The following IL12RB2 variants were observed in gnomAD, a reference collection of about 807,000 sequenced individuals.
The protein encoded by IL12RB2 is interleukin-12 receptor subunit beta-2.
IL12RB2 carries 82 observed loss-of-function variants against 89.4 expected under a neutral mutation model. The observed-to-expected ratio is 0.92, with a 90% CI of 0.77 to 1.10. The LOEUF (loss-of-function observed/expected upper bound fraction) is 1.10. Ranked by LOEUF, IL12RB2 falls within the 50% of genes least tolerant of loss-of-function variation. The probability of loss-of-function intolerance (pLI) is 0.00; values close to 1 mark genes in which losing one functional copy is unlikely to be tolerated. For missense variants in IL12RB2, 963 were observed against 1,031.9 expected, an observed-to-expected ratio of 0.93 and a Z score of 0.92; for synonymous variants, 368 against 370.1, an observed-to-expected ratio of 0.99 and a Z score of 0.07.
intron 14 of IL12RB2, among the ~76,000 whole-genome samples, chr1:67,385,746 A>G (rs1665065091): frequency 6.6e-6 from 1 of 152,218 alleles, no homozygotes; most frequent in South Asian, 2.1e-4. Context: ...ACATTTCACA[A>G]TCACCCTAGC....
chr1:67,354,819 G>A (rs1661209362), intron 10 of IL12RB2, among the ~76,000 whole-genome samples: 1 of 152,096 alleles, frequency 6.6e-6, no homozygotes, highest in African/African-American at 2.4e-5. Flanking sequence ...TTCAAGAAAA[G>A]GATACAATAA....
chr1:67,384,285 A>G (rs12750578), intron 14 of IL12RB2, among the ~76,000 whole-genome samples: 3 of 152,102 alleles, frequency 2.0e-5, no homozygotes, highest in African/African-American at 7.2e-5. Flanking sequence ...ACAGGCCCAA[A>G]ACCACATGGA....
In IL12RB2 at chr1:67,386,872, TTATATATATATATA is replaced by T. The variant is rs1179774666; in HGVS notation, c.1946+235_1946+248del. On this transcript the variant is annotated intron_variant, in intron 15 of 16. Coordinates refer to ENST00000674203, the MANE Select transcript of IL12RB2 (RefSeq NM_001374259.2). The stretch of plus-strand genomic sequence containing the variant: ...AACAATCTCTAACTAGAAATGTATT[TTATATATATATATA>T]TATATATATATATATATATATATAT... Among the ~76,000 whole-genome samples, 280 of 48,450 alleles carry T rather than the reference TTATATATATATATA, an allele frequency of 5.8e-3. 3 individuals are homozygous for T. In the Middle Eastern group the frequency reaches 0.074, roughly 13 times the overall value. 31.8% of individuals were successfully genotyped at this position (48,450 alleles called of 152,430 possible). A position where few individuals can be genotyped will look rare whatever the true frequency, so the allele number is the denominator to read the frequency against.
intron 1 of IL12RB2, among the ~76,000 whole-genome samples, chr1:67,310,597 A>G (rs6673605): frequency 0.38 from 58,075 of 152,116 alleles, 11,934 homozygotes; most frequent in African/African-American, 0.54. Context: ...GAAAAGAAGT[A>G]ATACTGCCTT....
At chr1:67,352,160 T>G (rs1660920696) in intron 10 of IL12RB2, among the ~76,000 whole-genome samples, 1 of 152,240 alleles carries the variant, frequency 6.6e-6, no homozygotes, top group African/African-American at 2.4e-5. Context: ...AGTATTAATG[T>G]ATATATACAA....
At chr1:67,346,701 A>G (rs545946875) in intron 9 of IL12RB2, among the ~76,000 whole-genome samples, 4 of 152,212 alleles carry the variant, frequency 2.6e-5, no homozygotes, top group African/African-American at 9.6e-5. Context: ...TTGTCTTTTG[A>G]ATCACTTCAT....
Position 67,326,867 on chromosome 1 carries a change from T to C in IL12RB2, c.479+18T>C, listed in dbSNP as rs776408476. The C allele has an allele frequency of 2.6e-5, 36 of 1,406,788 alleles. No homozygotes were observed. Among genetic ancestry groups the C allele is most frequent in the Non-Finnish European group, 3.3e-5 (35 of 1,065,468 alleles). 87.1% of individuals were successfully genotyped at this position (1,406,788 alleles called of 1,614,324 possible). ...ACTCTACAGTGAGTGAGAGGCTGTA[T>C]TTTTGCAGCTGTTTTGTAGATCTTC... On this transcript the variant is annotated intron_variant, in intron 5 of 16. Coordinates refer to ENST00000674203, the MANE Select transcript of IL12RB2 (RefSeq NM_001374259.2).
chr1:67,308,440 C>G (rs946620534), intron 1 of IL12RB2, among the ~76,000 whole-genome samples: 1 of 152,134 alleles, frequency 6.6e-6, no homozygotes, highest in African/African-American at 2.4e-5. Context: ...TTCCGTAGTC[C>G]CGGATGAGGG....
Position 67,369,113 on chromosome 1 carries a change from C to T in IL12RB2, c.1459+1088C>T, listed in dbSNP as rs149452712. ...CATGAGTCCATCCTTAACTGTGTAC[C>T]TCTTTTGTAGTCTGACTGCTCAGAG... is the stretch of plus-strand genomic sequence containing the variant. On this transcript the variant is annotated intron_variant, in intron 11 of 16. Coordinates refer to ENST00000674203, the MANE Select transcript of IL12RB2 (RefSeq NM_001374259.2). 6.5e-3 allele frequency among the ~76,000 whole-genome samples: 990 copies of T among 152,232 alleles called. 8 individuals are homozygous for T. Among genetic ancestry groups the T allele is most frequent in the Middle Eastern group, 0.031 (9 of 294 alleles).
chr1:67,393,932 A>G (rs6699474), intron 16 of IL12RB2, among the ~76,000 whole-genome samples: 99,660 of 152,024 alleles, frequency 0.66, 33,390 homozygotes, highest in South Asian at 0.73. Context: ...TTACAGACAT[A>G]TAAAAAAAGT....
intron 14 of IL12RB2, among the ~76,000 whole-genome samples, chr1:67,384,058 G>A (rs1664880799): frequency 6.6e-6 from 1 of 152,246 alleles, no homozygotes; most frequent in Non-Finnish European, 1.5e-5. Context: ...CTGGAGGACA[G>A]TGGCCCTCTT....
chr1:67,379,818 TA>T, intron 13 of IL12RB2, 167 bp from the exon 14 acceptor site: 1 of 622,686 alleles, frequency 1.6e-6, no homozygotes, highest in Non-Finnish European at 2.9e-6. Flanking sequence ...TGACGATGTC[TA>T]GGGCCTATTA....
chr1:67,369,970 C>T (rs537661324), intron 11 of IL12RB2, among the ~76,000 whole-genome samples: 1 of 146,886 alleles, frequency 6.8e-6, no homozygotes, highest in Admixed American at 6.9e-5. Context: ...TGCAGTGAGC[C>T]GAGATCATGC....
chr1:67,366,669 T>G (rs1304120932), intron 10 of IL12RB2, among the ~76,000 whole-genome samples: 1 of 152,168 alleles, frequency 6.6e-6, no homozygotes, highest in Non-Finnish European at 1.5e-5. Flanking sequence ...AATATGTGAA[T>G]TTGCTCTATA....
chr1:67,327,819 T>C (rs1657531757), intron 5 of IL12RB2, among the ~76,000 whole-genome samples: 1 of 152,224 alleles, frequency 6.6e-6, no homozygotes, highest in Non-Finnish European at 1.5e-5. Flanking sequence ...AGGATTCTAC[T>C]CTGGCCACTG....
In IL12RB2 at chr1:67,321,702, C is replaced by T. The variant is rs969386605; in HGVS notation, c.177C>T (p.Cys59=). ...ITCSLKPRQG[C]FHYSRRNKLI... is the part of the protein sequence containing the mutation. ...GCTCTTTGAAGCCCAGACAAGGCTG[C>T]TTTCACTATTCCAGACGTAACAAGT... The change falls in exon 4 of 17, where the codon TGC becomes TGT. Residue 59 remains cysteine, a synonymous_variant. Coordinates refer to ENST00000674203, the MANE Select transcript of IL12RB2 (RefSeq NM_001374259.2). 4 of 1,609,940 alleles carry T rather than the reference C, an allele frequency of 2.5e-6. No individual in the cohort carries two copies. The highest frequency in any genetic ancestry group is 3.4e-6 in the Non-Finnish European group (4 of 1,176,360).
chr1:67,342,517 G>C (rs1659754329), intron 9 of IL12RB2, among the ~76,000 whole-genome samples: 1 of 152,018 alleles, frequency 6.6e-6, no homozygotes, highest in African/African-American at 2.4e-5. Flanking sequence ...ATGTATGTGA[G>C]TGTAAGGATG....
At position 67,395,735 on chromosome 1, in the gene IL12RB2, C is replaced by T. The variant is rs753719345; in HGVS notation, c.2235C>T (p.His745=). Residue 745 remains histidine, a synonymous_variant, in exon 17 of 17, where the codon CAC becomes CAT. Coordinates refer to ENST00000674203, the MANE Select transcript of IL12RB2 (RefSeq NM_001374259.2). ...GHQASEKDMM[H]SASSPPPPRA... The stretch of plus-strand genomic sequence containing the variant: ...AGGCCTCTGAGAAAGACATGATGCA[C>T]AGTGCCTCAAGCCCACCACCTCCAA... 2.5e-6 allele frequency: 4 copies of T among 1,614,080 alleles called. No homozygotes were observed. The Admixed American group carries it at 5.0e-5, about 20-fold the overall frequency.
chr1:67,335,382 G>C (rs1016876781), intron 8 of IL12RB2, among the ~76,000 whole-genome samples: 1 of 152,182 alleles, frequency 6.6e-6, no homozygotes, highest in African/African-American at 2.4e-5. Flanking sequence ...TGCTGTGTTA[G>C]GGAATTGGTT....
Sources: gnomAD v4.1 joint callset for allele counts (sites outside exome capture counted in the v4.1 genomes callset) on GRCh38, gnomAD v4.1.1 for gene constraint, MANE v1.5 for transcripts, NCBI Gene and HGNC (gene_info 2026-07-23, HGNC 2026-07-21) for gene names.